Variants in CLEC4A observed in about 807,000 individuals in gnomAD.
CLEC4A encodes C-type (calcium dependent, carbohydrate-recognition domain) lectin, superfamily member 6.
In CLEC4A, 27 loss-of-function variants were observed where a neutral mutation model predicts 32.7. The ratio of observed to expected loss-of-function variants is 0.83; its 90% CI spans 0.61 to 1.14. The LOEUF (loss-of-function observed/expected upper bound fraction) is 1.14, where lower values mean the gene tolerates loss of function less well. CLEC4A is among the 50% of genes most tolerant of loss of function. CLEC4A has a pLI of 0.00. For missense variants in CLEC4A, 253 were observed against 274.6 expected, an observed-to-expected ratio of 0.92 and a Z score of 0.55; for synonymous variants, 89 against 93.7, an observed-to-expected ratio of 0.95 and a Z score of 0.29.
intron 3 of CLEC4A, among the ~76,000 whole-genome samples, chr12:8,130,227 T>C (rs1197241856): frequency 3.3e-5 from 5 of 152,242 alleles, no homozygotes; most frequent in African/African-American, 1.2e-4. Context: ...GCTTTTAGAC[T>C]TCTTCGACCT....
chr12:8,112,407 TTTCTATATTATC>T, the CLEC4A span, among the ~76,000 whole-genome samples: 1 of 152,222 alleles, frequency 6.6e-6, no homozygotes, highest in Non-Finnish European at 1.5e-5. Context: ...GATAGATTTA[TTTCTATATTATC>T]TTCTGCCTAA....
the CLEC4A span, among the ~76,000 whole-genome samples, chr12:8,103,373 G>GTTTTTTTTTTTTTTTTTT: frequency 1.4e-3 from 109 of 78,014 alleles, 20 homozygotes; most frequent in South Asian, 1.7e-3. Flanking sequence ...GTTTCTTTCT[G>GTTTTTTTTTTTTTTTTTT]TTGTTTTTTT....
the CLEC4A span, among the ~76,000 whole-genome samples, chr12:8,103,379 T>G: frequency 3.2e-5 from 1 of 31,652 alleles, no homozygotes; most frequent in South Asian, 1.2e-3. Flanking sequence ...TTCTGTTGTT[T>G]TTTTTTTTTT....
Position 8,136,857 on chromosome 12 carries a change from C to A in CLEC4A, c.520C>A (p.Arg174=). 6.2e-7 allele frequency: 1 copy of A among 1,613,476 alleles called. No homozygotes were observed. The highest frequency in any genetic ancestry group is 8.5e-7 in the Non-Finnish European group (1 of 1,179,494). ...GGGGCTCTCAGATCCAGAAGGTCAG[C>A]GACATTGGCAATGGGTTGATCAGAC... is the stretch of plus-strand genomic sequence containing the variant. ...FVGLSDPEGQ[R]HWQWVDQTPY... The change falls in exon 5 of 6, where the codon CGA becomes AGA. Residue 174 remains arginine, a synonymous_variant. Coordinates refer to ENST00000229332, the MANE Select transcript of CLEC4A (RefSeq NM_016184.4).
chr12:8,109,288 T>C, the CLEC4A span, among the ~76,000 whole-genome samples: 6 of 152,132 alleles, frequency 3.9e-5, no homozygotes, highest in Non-Finnish European at 8.8e-5. Context: ...AATACTTTAA[T>C]AAATACTTGA....
In CLEC4A at chr12:8,138,506, AG is replaced by A; in HGVS notation, c.*221del. ...TTTCATGTGCCAGAGCCTGTACTGG[AG>A]GCCCCCATTGTGCACACATGGAGAG... On this transcript the variant is annotated 3_prime_UTR_variant, in exon 6 of 6. Coordinates refer to ENST00000229332, the MANE Select transcript of CLEC4A (RefSeq NM_016184.4). 2.0e-6 allele frequency: 1 copy of A among 499,720 alleles called. No homozygotes were observed. The allele number at this position is 499,720 out of a possible 1,614,324, so 31.0% of individuals were successfully genotyped here. A position where few individuals can be genotyped will look rare whatever the true frequency, so the allele number is the denominator to read the frequency against.
the CLEC4A span, among the ~76,000 whole-genome samples, chr12:8,117,730 A>G: frequency 3.3e-5 from 5 of 152,150 alleles, no homozygotes; most frequent in East Asian, 9.6e-4. Context: ...TTTCACTTCT[A>G]TAGCTTTCAA....
chr12:8,113,543 A>G, the CLEC4A span, among the ~76,000 whole-genome samples: 14 of 152,218 alleles, frequency 9.2e-5, no homozygotes, highest in Non-Finnish European at 1.9e-4. Flanking sequence ...AAAAGCTCCA[A>G]TGGCTTTTTT....
chr12:8,135,675 G>A lies in CLEC4A; in HGVS notation c.389G>A (p.Ser130Asn). 1 of 1,614,200 alleles carries A rather than the reference G, an allele frequency of 6.2e-7. No homozygotes were observed. Among genetic ancestry groups the A allele is most frequent in the Non-Finnish European group, 8.5e-7 (1 of 1,180,026 alleles). Residue 130 changes from serine to asparagine, a missense_variant, in exon 4 of 6, where the codon AGT becomes AAT. Transcript: ENST00000229332. ...ISTESASWQD[S>N]EKDCARMEAH... is the part of the protein sequence containing the mutation. The stretch of plus-strand genomic sequence containing the variant: ...ACTGAATCAGCATCTTGGCAAGACA[G>A]TGAGAAGGACTGTGCTAGAATGGAG...
the CLEC4A span, among the ~76,000 whole-genome samples, chr12:8,118,271 T>G: frequency 6.6e-6 from 1 of 152,172 alleles, no homozygotes; most frequent in Non-Finnish European, 1.5e-5. Context: ...AAGCTAATAA[T>G]TTACATTGTC....
chr12:8,108,722 G>T, the CLEC4A span, among the ~76,000 whole-genome samples: 1 of 152,136 alleles, frequency 6.6e-6, no homozygotes, highest in Admixed American at 6.5e-5. Context: ...TTTCAAAAAA[G>T]CTCTGGTATA....
chr12:8,127,602 A>C (rs187948284), intron 2 of CLEC4A, among the ~76,000 whole-genome samples: 50 of 152,356 alleles, frequency 3.3e-4, no homozygotes, highest in African/African-American at 1.2e-3. Context: ...AGAGGTGTGG[A>C]AAATGGATAA....
chr12:8,125,761 G>A, intron 2 of CLEC4A, 84 bp downstream of exon 2: 11 of 762,432 alleles, frequency 1.4e-5, no homozygotes, highest in Non-Finnish European at 2.4e-5. Flanking sequence ...TTGAAAATGA[G>A]CTTATCCAGA....
chr12:8,129,401 AC>A, intron 3 of CLEC4A, 39 bp downstream of exon 3: 1 of 1,259,670 alleles, frequency 7.9e-7, no homozygotes, highest in Admixed American at 1.8e-5. Flanking sequence ...TGCTGAATGT[AC>A]TATGTAAGGA....
rs1948165520 is a variant in CLEC4A at position 8,138,448 on chromosome 12, C to T, written c.*161C>T. ...ATTGGTCTGTACATTGACTGATTCA[C>T]TTTTTCATAAAGTGAGCATTTATTG... On this transcript the variant is annotated 3_prime_UTR_variant, in exon 6 of 6. Transcript: ENST00000229332. 1.2e-6 allele frequency: 1 copy of T among 854,180 alleles called. No individual in the cohort carries two copies. 52.9% of individuals were successfully genotyped at this position (854,180 alleles called of 1,614,324 possible).
chr12:8,134,547 C>T (rs1269081629), intron 3 of CLEC4A: 2 of 1,613,606 alleles, frequency 1.2e-6, no homozygotes, highest in East Asian at 2.2e-5. Flanking sequence ...GCTCTCCACC[C>T]CGACTCCTGC....
chr12:8,138,205 C>T lies in CLEC4A; in HGVS notation c.632C>T (p.Ser211Leu). ...TGCGTTGTGCTAAATTTTCGTAAAT[C>T]ACCCAAAAGATGGGGCTGGAATGAT... ...ERCVVLNFRK[S>L]PKRWGWNDVN... is the part of the protein sequence containing the mutation. Residue 211 changes from serine to leucine, a missense_variant, in exon 6 of 6, where the codon TCA (serine) becomes TTA (leucine). Physicochemically the swap from Ser to Leu is moderately radical, Grantham distance 145. Transcript: ENST00000229332. The T allele has an allele frequency of 6.2e-7, 1 of 1,614,158 alleles. No homozygotes were observed. Among genetic ancestry groups the T allele is most frequent in the East Asian group, 2.2e-5 (1 of 44,880 alleles).
At chr12:8,125,117 A>G (rs1256077346) in intron 1 of CLEC4A, among the ~76,000 whole-genome samples, 2 of 152,182 alleles carry the variant, frequency 1.3e-5, no homozygotes, top group African/African-American at 4.8e-5. Context: ...ATTTAAATAT[A>G]TGATGAAATA....
chr12:8,109,376 A>G, the CLEC4A span, among the ~76,000 whole-genome samples: 1 of 152,176 alleles, frequency 6.6e-6, no homozygotes, highest in African/African-American at 2.4e-5. Flanking sequence ...GGCAGTAAAG[A>G]GTAGTGGTCA....
Sources: gnomAD v4.1 joint callset for allele counts (sites outside exome capture counted in the v4.1 genomes callset) on GRCh38, gnomAD v4.1.1 for gene constraint, MANE v1.5 for transcripts, NCBI Gene and HGNC (gene_info 2026-07-23, HGNC 2026-07-21) for gene names.